SMPDL3A: variants seen among roughly 807,000 people sequenced by gnomAD.
SMPDL3A encodes the protein cyclic GMP-AMP phosphodiesterase SMPDL3A.
In SMPDL3A, 39 loss-of-function variants were observed where a neutral mutation model predicts 38.5. The observed-to-expected ratio is 1.01, with a 90% CI of 0.78 to 1.32. The LOEUF (loss-of-function observed/expected upper bound fraction) is 1.32. Ranked by LOEUF, SMPDL3A falls within the 40% of genes most tolerant of loss-of-function variation. SMPDL3A has a pLI of 0.00. For missense variants in SMPDL3A, 502 were observed against 536.2 expected (o/e 0.94, Z 0.63); for synonymous variants, 180 against 194.3 (o/e 0.93, Z 0.61).
At chr6:122,789,583 C>G (rs944182404) in intron 1 of SMPDL3A, 125 bp downstream of exon 1, 2 of 932,120 alleles carry the variant, frequency 2.1e-6, no homozygotes, top group African/African-American at 1.7e-5. Context: ...AGCGGGGCCC[C>G]TGACGCGTCC....
chr6:122,806,624 T>C (rs558968818), intron 7 of SMPDL3A, among the ~76,000 whole-genome samples: 1 of 152,312 alleles, frequency 6.6e-6, no homozygotes, highest in South Asian at 2.1e-4. Context: ...GTGCCATGTT[T>C]GTGGACTTGT....
chr6:122,802,241 G>A (rs1260213667), intron 4 of SMPDL3A, among the ~76,000 whole-genome samples: 3 of 135,728 alleles, frequency 2.2e-5, no homozygotes, highest in Middle Eastern at 8.4e-3. Context: ...CACTCTTGTT[G>A]CCCAGGCTGG....
At chr6:122,791,644 G>A (rs1344212923) in intron 1 of SMPDL3A, among the ~76,000 whole-genome samples, 1 of 152,030 alleles carries the variant, frequency 6.6e-6, no homozygotes, top group Non-Finnish European at 1.5e-5. Flanking sequence ...TAGATTTGCT[G>A]AACACACACA....
intron 1 of SMPDL3A, among the ~76,000 whole-genome samples, chr6:122,790,449 T>C (rs752506155): frequency 4.6e-5 from 7 of 152,172 alleles, no homozygotes; most frequent in Non-Finnish European, 8.8e-5. Flanking sequence ...AAAACAAAAT[T>C]AGAGAAGTGG....
At chr6:122,790,106 C>A (rs1443851319) in intron 1 of SMPDL3A, among the ~76,000 whole-genome samples, 1 of 152,178 alleles carries the variant, frequency 6.6e-6, no homozygotes, top group African/African-American at 2.4e-5. Flanking sequence ...TTTATTCACT[C>A]CCAGCACTTA....
chr6:122,801,319 C>G lies in SMPDL3A; in HGVS notation c.481C>G (p.Pro161Ala), dbSNP rs28385609. The change falls in exon 4 of 8, where the codon CCT (proline) becomes GCT (alanine). Residue 161 changes from proline to alanine, a missense_variant. By Grantham distance (27) the Pro-to-Ala change is conservative. Transcript: ENST00000368440. ...NHDYWPQDQL[P>A]VVTSKVYNAV... ...TATTGTTTGTGGCCAGGATCAACTGCCTGTAGTCACCAGTAAAGTGTACAA... is the reference window on the plus strand; with the variant it reads ...TATTGTTTGTGGCCAGGATCAACTGGCTGTAGTCACCAGTAAAGTGTACAA... 2 of 1,610,178 alleles carry G rather than the reference C, an allele frequency of 1.2e-6. No individual in the cohort carries two copies. The highest frequency in any genetic ancestry group is 2.7e-5 in the African/African-American group (2 of 74,876).
At chr6:122,803,198 C>T (rs1238211022) in intron 4 of SMPDL3A, among the ~76,000 whole-genome samples, 1 of 152,132 alleles carries the variant, frequency 6.6e-6, no homozygotes, top group Non-Finnish European at 1.5e-5. Flanking sequence ...ACCTCCTCTC[C>T]CCTGAGATTG....
At chr6:122,804,788 G>A in intron 5 of SMPDL3A, 121 bp from the exon 6 acceptor site, 1 of 753,736 alleles carries the variant, frequency 1.3e-6, no homozygotes, top group South Asian at 1.9e-5. Context: ...TAGAAGAGAT[G>A]ATATATTTGC....
chr6:122,809,462 T>G lies in SMPDL3A; in HGVS notation c.*54T>G. ...GCTGATTCTGATTCTGAGATCAATT[T>G]GTGGGAATTTTACATAAATCTTTGT... is the stretch of plus-strand genomic sequence containing the variant. On this transcript the variant is annotated 3_prime_UTR_variant, in exon 8 of 8. Coordinates refer to ENST00000368440, the MANE Select transcript of SMPDL3A (RefSeq NM_006714.5). 1 of 1,325,976 alleles carries G rather than the reference T, an allele frequency of 7.5e-7. No homozygotes were observed. Among genetic ancestry groups the G allele is most frequent in the Non-Finnish European group, 1.0e-6 (1 of 953,826 alleles). 82.1% of individuals were successfully genotyped at this position (1,325,976 alleles called of 1,614,324 possible).
Position 122,796,866 on chromosome 6 carries a change from C to T in SMPDL3A, c.369C>T (p.Asp123=), listed in dbSNP as rs1158270830. 6.2e-7 allele frequency: 1 copy of T among 1,612,756 alleles called. No individual in the cohort carries two copies. Among genetic ancestry groups the T allele is most frequent in the Non-Finnish European group, 8.5e-7 (1 of 1,178,946 alleles). ...TTCCTGTACCTGAACTCTCAACAGA[C>T]ACTGTTATAAATGTGATCACTAATA... ...PHVPVPELST[D]TVINVITNMT... The change falls in exon 3 of 8, where the codon GAC becomes GAT. Residue 123 remains aspartate, a synonymous_variant. Coordinates refer to ENST00000368440, the MANE Select transcript of SMPDL3A (RefSeq NM_006714.5).
intron 3 of SMPDL3A, among the ~76,000 whole-genome samples, chr6:122,797,832 C>T (rs1459007127): frequency 6.6e-6 from 1 of 152,182 alleles, no homozygotes; most frequent in Non-Finnish European, 1.5e-5. Flanking sequence ...GACCCCTGGT[C>T]TAGACCTACC....
intron 7 of SMPDL3A, among the ~76,000 whole-genome samples, chr6:122,806,943 T>G (rs1020268047): frequency 1.3e-5 from 2 of 152,028 alleles, no homozygotes; most frequent in Non-Finnish European, 2.9e-5. Flanking sequence ...CAGGCTGGAG[T>G]GTAGTGGTGC....
intron 4 of SMPDL3A, among the ~76,000 whole-genome samples, chr6:122,802,991 A>C (rs1319958751): frequency 6.6e-6 from 1 of 152,364 alleles, no homozygotes; most frequent in East Asian, 1.9e-4. Context: ...TTGTGACTAC[A>C]AGAAAGAATA....
intron 3 of SMPDL3A, 62 bp downstream of exon 3, chr6:122,797,030 G>T: frequency 7.1e-7 from 1 of 1,406,648 alleles, no homozygotes; most frequent in Non-Finnish European, 1.0e-6. Context: ...TGTCAAAATT[G>T]TGACAATAAC....
chr6:122,800,420 A>G (rs940671020), intron 3 of SMPDL3A, among the ~76,000 whole-genome samples: 2 of 152,220 alleles, frequency 1.3e-5, no homozygotes, highest in African/African-American at 4.8e-5. Context: ...ATTCTAAAAC[A>G]TGATGTTTTC....
At chr6:122,792,818 G>A (rs1373938171) in intron 1 of SMPDL3A, among the ~76,000 whole-genome samples, 1 of 152,034 alleles carries the variant, frequency 6.6e-6, no homozygotes, top group East Asian at 1.9e-4. Flanking sequence ...CTGAGCTCAA[G>A]CGATCTTCCT....
At position 122,789,345 on chromosome 6, in the gene SMPDL3A, C is replaced by T; in HGVS notation, c.-2C>T. The T allele has an allele frequency of 1.3e-6, 2 of 1,543,664 alleles. No homozygotes were observed. The highest frequency in any genetic ancestry group is 1.7e-6 in the Non-Finnish European group (2 of 1,144,622). On this transcript the variant is annotated 5_prime_UTR_variant, in exon 1 of 8. Transcript: ENST00000368440. ...ACCTCCAGGTCAGCCCCGCGGCCCTCCATGGCGCTGGTGCGCGCACTCGTC... is the reference window on the plus strand; with the variant it reads ...ACCTCCAGGTCAGCCCCGCGGCCCTTCATGGCGCTGGTGCGCGCACTCGTC...
chr6:122,789,527 AG>A, intron 1 of SMPDL3A, 69 bp downstream of exon 1: 2 of 1,341,410 alleles, frequency 1.5e-6, no homozygotes, highest in South Asian at 2.5e-5. Flanking sequence ...TGCGCACAGC[AG>A]GAGAAAGTGC....
At chr6:122,800,441 G>A (rs1781391389) in intron 3 of SMPDL3A, among the ~76,000 whole-genome samples, 1 of 152,062 alleles carries the variant, frequency 6.6e-6, no homozygotes. Context: ...CCGTTCCCTC[G>A]GCATGCTGCA....
Sources: gnomAD v4.1 joint callset for allele counts (sites outside exome capture counted in the v4.1 genomes callset) on GRCh38, gnomAD v4.1.1 for gene constraint, MANE v1.5 for transcripts, NCBI Gene and HGNC (gene_info 2026-07-23, HGNC 2026-07-21) for gene names.